Variants in ERGIC1 observed in about 807,000 individuals in gnomAD.
ERGIC1 encodes the protein endoplasmic reticulum-Golgi intermediate compartment protein 1.
In ERGIC1, 19 loss-of-function variants were observed where a neutral mutation model predicts 38.3. The observed-to-expected ratio is 0.50, with a 90% confidence interval of 0.35 to 0.73. The LOEUF is 0.73. ERGIC1 is among the 30% of genes least tolerant of loss of function. The pLI is 0.01. For synonymous variants in ERGIC1, 124 were observed against 157.6 expected (o/e 0.79, Z 1.60); for missense variants, 294 against 389.2 (o/e 0.76, Z 2.06).
intron 2 of ERGIC1, among the ~76,000 whole-genome samples, chr5:172,893,896 T>TAC (rs750015522): frequency 5.0e-5 from 2 of 40,400 alleles, no homozygotes; most frequent in African/African-American, 1.4e-4. Flanking sequence ...TATATATATA[T>TAC]ATATATATAT....
chr5:172,893,933 GTGTA>G (rs1762645480), intron 2 of ERGIC1, among the ~76,000 whole-genome samples: 1 of 51,000 alleles, frequency 2.0e-5, no homozygotes, highest in African/African-American at 9.7e-5. Context: ...GTGTGTGTGT[GTGTA>G]TATATATATA....
intron 1 of ERGIC1, among the ~76,000 whole-genome samples, chr5:172,878,520 C>T (rs1053792733): frequency 5.3e-5 from 8 of 152,226 alleles, no homozygotes; most frequent in Admixed American, 3.3e-4. Context: ...AGGCTTCGTG[C>T]GCAGTAAGCC....
chr5:172,917,459 T>C (rs1263665226), intron 5 of ERGIC1: 1 of 152,050 alleles, frequency 6.6e-6, no homozygotes, highest in Non-Finnish European at 1.5e-5. Context: ...ACCTGGGAGA[T>C]TGTTAGGAAT....
chr5:172,885,310 T>TG (rs982038204), intron 1 of ERGIC1, among the ~76,000 whole-genome samples: 6 of 150,678 alleles, frequency 4.0e-5, no homozygotes, highest in East Asian at 2.0e-4. Flanking sequence ...TGTTCATTTT[T>TG]TTTTGTGGAG....
chr5:172,859,733 C>T (rs1192298058), intron 1 of ERGIC1, among the ~76,000 whole-genome samples: 2 of 152,208 alleles, frequency 1.3e-5, no homozygotes, highest in Non-Finnish European at 2.9e-5. Context: ...CTATCCTCCG[C>T]AGGTGCCCTT....
chr5:172,919,825 T>C (rs1197889747), intron 5 of ERGIC1, among the ~76,000 whole-genome samples: 3 of 152,148 alleles, frequency 2.0e-5, no homozygotes, highest in African/African-American at 7.2e-5. Flanking sequence ...GTCCAAGAAA[T>C]GGGCCTTCTC....
intron 4 of ERGIC1, among the ~76,000 whole-genome samples, chr5:172,914,294 TTAAGC>T (rs2113405298): frequency 6.6e-6 from 1 of 150,946 alleles, no homozygotes; most frequent in East Asian, 1.9e-4. Flanking sequence ...CTAACATTTA[TTAAGC>T]ACTTTCCACC....
chr5:172,951,080 A>G lies in ERGIC1; in HGVS notation c.*264A>G. 1 of 380,002 alleles carries G rather than the reference A, an allele frequency of 2.6e-6. No homozygotes were observed. Among genetic ancestry groups the G allele is most frequent in the South Asian group, 4.4e-5 (1 of 22,722 alleles). 23.5% of individuals were successfully genotyped at this position (380,002 alleles called of 1,614,324 possible). On this transcript the variant is annotated 3_prime_UTR_variant, in exon 10 of 10. Coordinates refer to ENST00000393784, the MANE Select transcript of ERGIC1 (RefSeq NM_001031711.3). ...GAACAGAGTCAGGCAAGGGGTGGGG[A>G]GTCCAGGGATCTTGGGGACCCCTCC...
At chr5:172,867,576 G>A (rs949892538) in intron 1 of ERGIC1, 10 of 422,976 alleles carry the variant, frequency 2.4e-5, no homozygotes, top group Non-Finnish European at 4.4e-5. Flanking sequence ...CTCCACCCCC[G>A]AGTCCTAGCC....
intron 1 of ERGIC1, among the ~76,000 whole-genome samples, chr5:172,848,728 G>C (rs564375473): frequency 6.6e-6 from 1 of 152,244 alleles, no homozygotes; most frequent in Non-Finnish European, 1.5e-5. Context: ...TAGAGAGACA[G>C]GGAGGAAGGG....
In ERGIC1 at chr5:172,951,299, T is replaced by C. The variant is rs1764224445; in HGVS notation, c.*483T>C. On this transcript the variant is annotated 3_prime_UTR_variant, in exon 10 of 10. Coordinates refer to ENST00000393784, the MANE Select transcript of ERGIC1 (RefSeq NM_001031711.3). Reference sequence around the variant, plus strand: ...GCTTTGGGACCAGGCTGCCCAAAGGTACTCCTTTATACACCCGGCACCTTC... The same window carrying C: ...GCTTTGGGACCAGGCTGCCCAAAGGCACTCCTTTATACACCCGGCACCTTC... 1 of 152,720 alleles carries C rather than the reference T, an allele frequency of 6.5e-6. No homozygotes were observed. Among genetic ancestry groups the C allele is most frequent in the Non-Finnish European group, 1.5e-5 (1 of 68,396 alleles). 9.5% of individuals were successfully genotyped at this position (152,720 alleles called of 1,614,324 possible).
intron 3 of ERGIC1, 93 bp from the exon 4 acceptor site, chr5:172,909,574 T>C: frequency 1.7e-6 from 2 of 1,162,848 alleles, no homozygotes; most frequent in South Asian, 2.5e-5. Flanking sequence ...ATCTAAGTTG[T>C]GGTCACCAAG....
At chr5:172,886,820 A>G (rs1237228109) in intron 1 of ERGIC1, among the ~76,000 whole-genome samples, 1 of 152,172 alleles carries the variant, frequency 6.6e-6, no homozygotes, top group Non-Finnish European at 1.5e-5. Context: ...GAGCCCAGGC[A>G]TCTGATTCCA....
intron 1 of ERGIC1, among the ~76,000 whole-genome samples, chr5:172,874,638 G>T (rs1762098859): frequency 6.6e-6 from 1 of 152,032 alleles, no homozygotes; most frequent in Admixed American, 6.6e-5. Context: ...GAAGAAAGAA[G>T]AGGGCAGAGG....
At chr5:172,876,551 C>T (rs184019466) in intron 1 of ERGIC1, among the ~76,000 whole-genome samples, 62 of 152,270 alleles carry the variant, frequency 4.1e-4, no homozygotes, top group Admixed American at 2.4e-3. Flanking sequence ...ATTTCAATCA[C>T]GGCTGTTATT....
In ERGIC1 at chr5:172,834,265, G is replaced by GAAGGC; in HGVS notation, c.-149_-148insAAGGC. The GAAGGC allele has an allele frequency of 2.7e-6, 2 of 750,134 alleles. No homozygotes were observed. Among genetic ancestry groups the GAAGGC allele is most frequent in the African/African-American group, 3.8e-5 (2 of 52,178 alleles). 46.5% of individuals were successfully genotyped at this position (750,134 alleles called of 1,614,324 possible). A position where few individuals can be genotyped will look rare whatever the true frequency, so the allele number is the denominator to read the frequency against. On this transcript the variant is annotated 5_prime_UTR_variant, in exon 1 of 10. Transcript: ENST00000393784. This position sits in a 1 kb window ranked among gnomAD's most constrained non-coding sequence, Gnocchi z 4.1. ...CGCGGAGCGTCACTTCCCGGCAGCG[G>GAAGGC]GAGGCGAGTGGCGAGTGGCGAGTGG...
chr5:172,911,042 G>A (rs1051627069), intron 4 of ERGIC1, among the ~76,000 whole-genome samples: 52 of 152,108 alleles, frequency 3.4e-4, no homozygotes, highest in African/African-American at 2.2e-4. Flanking sequence ...TGGACTGGGC[G>A]CCCTCTCCTG....
At chr5:172,841,149 A>G (rs1761149445) in intron 1 of ERGIC1, among the ~76,000 whole-genome samples, 1 of 152,224 alleles carries the variant, frequency 6.6e-6, no homozygotes. Flanking sequence ...TTTAACTTTT[A>G]GGTCTATTAA....
Position 172,834,523 on chromosome 5 carries a change from CA to C in ERGIC1, c.20+94del. ...CCGCGGACCCCTCCCGCCCTGCATGCAAAAGCGGCTCCCCGCCCTGTGCATG... is the reference window on the plus strand; with the variant it reads ...CCGCGGACCCCTCCCGCCCTGCATGCAAAGCGGCTCCCCGCCCTGTGCATG... On this transcript the variant is annotated intron_variant, in intron 1 of 9. Transcript: ENST00000393784. This position sits in a 1 kb window ranked among gnomAD's most constrained non-coding sequence, Gnocchi z 4.1. The C allele has an allele frequency of 8.3e-7, 1 of 1,203,048 alleles. No homozygotes were observed. The highest frequency in any genetic ancestry group is 1.0e-6 in the Non-Finnish European group (1 of 959,306). 74.5% of individuals were successfully genotyped at this position (1,203,048 alleles called of 1,614,324 possible).
Sources: gnomAD v4.1 joint callset for allele counts (sites outside exome capture counted in the v4.1 genomes callset) on GRCh38, gnomAD v4.1.1 for gene constraint, Gnocchi (gnomAD v3.1) non-coding constraint, MANE v1.5 for transcripts, NCBI Gene and HGNC (gene_info 2026-07-23, HGNC 2026-07-21) for gene names.